Variants in GAGE10 observed in about 807,000 individuals in gnomAD.
The protein encoded by GAGE10 is G antigen 10.
A neutral mutation model predicts 11.5 loss-of-function variants in GAGE10; 9 were observed. The observed-to-expected ratio is 0.78, with a 90% CI of 0.47 to 1.37. The LOEUF is 1.37. GAGE10 is among the 40% of genes most tolerant of loss of function. GAGE10 has a pLI of 0.00. For missense variants in GAGE10, 83 were observed against 92.9 expected (o/e 0.89, Z 0.44); for synonymous variants, 23 against 29.7 (o/e 0.77, Z 0.73).
intron 3 of GAGE10, among the ~76,000 whole-genome samples, chrX:49,315,558 C>A (rs1480412929): frequency 2.7e-5 from 3 of 112,144 alleles, no homozygotes; most frequent in Non-Finnish European, 5.6e-5. Flanking sequence ...ATACAAGCAA[C>A]ACAAATGAGA....
At position 49,304,869 on chromosome X, in the gene GAGE10, C is replaced by T. The variant is rs782638456; in HGVS notation, c.10C>T (p.Arg4Ter). The T allele has an allele frequency of 6.6e-6, 8 of 1,207,274 alleles. No homozygotes were observed. The highest frequency in any genetic ancestry group is 2.2e-5 in the Admixed American group (1 of 46,104). ...GTTTTCAGTGTGAAATATGAGTTGG[C>T]GAGGAAGATCGACCTATCGGCCTAG... is the stretch of plus-strand genomic sequence containing the variant. The part of the protein sequence containing the change: MSW[R>*]GRSTYRPRPR... The change falls in exon 2 of 5, where the codon CGA (arginine) becomes TGA (stop). Residue 4 changes from arginine (R) to a stop codon, truncating the protein, a stop_gained. Transcript: ENST00000407599. LOFTEE classifies it high-confidence loss of function.
chrX:49,317,396 G>A lies in GAGE10; in HGVS notation c.328+108G>A, dbSNP rs2066397343. On this transcript the variant is annotated intron_variant, in intron 4 of 4. Transcript: ENST00000407599. ...GGAGTCTTGCTCTGTCCACCAGGCT[G>A]GAGTGCAGTGGTGGCATCTCGGCTC... 4 of 1,061,531 alleles carry A rather than the reference G, an allele frequency of 3.8e-6. No individual in the cohort carries two copies. In the Admixed American group the frequency reaches 1.0e-4, roughly 28 times the overall value. 87.5% of individuals were successfully genotyped at this position (1,061,531 alleles called of 1,213,427 possible).
chrX:49,313,544 G>C (rs1327608566), intron 3 of GAGE10, among the ~76,000 whole-genome samples: 1 of 111,908 alleles, frequency 8.9e-6, no homozygotes, highest in African/African-American at 3.3e-5. Context: ...AGCTGGGTAA[G>C]GGAAAGGATA....
At chrX:49,317,087 G>A (rs782552619) in intron 3 of GAGE10, 76 bp from the exon 4 acceptor site, 14 of 1,056,548 alleles carry the variant, frequency 1.3e-5, no homozygotes, top group African/African-American at 7.6e-5. Flanking sequence ...TAATAACACC[G>A]AGAGCATGAA....
intron 3 of GAGE10, among the ~76,000 whole-genome samples, chrX:49,313,226 A>C (rs1309959423): frequency 8.9e-6 from 1 of 112,241 alleles, no homozygotes; most frequent in African/African-American, 3.2e-5. Flanking sequence ...TTAAAGATCA[A>C]ATGGAAACTG....
At chrX:49,313,111 G>T (rs191690702) in intron 3 of GAGE10, among the ~76,000 whole-genome samples, 204 of 112,062 alleles carry the variant, frequency 1.8e-3, no homozygotes, top group Admixed American at 2.1e-3. Flanking sequence ...GGTGACAAAG[G>T]TGCTACTAAA....
At position 49,317,204 on chromosome X, in the gene GAGE10, A is replaced by C. The variant is rs782140620; in HGVS notation, c.244A>C (p.Lys82Gln). 96 of 1,204,665 alleles carry C rather than the reference A, an allele frequency of 8.0e-5. No homozygotes were observed. The highest frequency in any genetic ancestry group is 1.0e-4 in the Non-Finnish European group (93 of 891,617). Residue 82 changes from lysine to glutamine, a missense_variant, in exon 4 of 5, where the codon AAG becomes CAG. Transcript: ENST00000407599. ...TGATAGCCAGGAACAGGTTCACCCA[A>C]AGACTGGGTGTGAGTGTGGAGATGG... ...EADSQEQVHPKTGCECGDGPD... is the reference protein window; with the variant it reads ...EADSQEQVHPQTGCECGDGPD...
rs144132863 is a variant in GAGE10 at position 49,307,550 on chromosome X, C to A, written c.202+2026C>A. On this transcript the variant is annotated intron_variant, in intron 3 of 4. Coordinates refer to ENST00000407599, the MANE Select transcript of GAGE10 (RefSeq NM_001098413.4). ...TTGGAGTGCAGTAGTGCAATCTTGG[C>A]TCACTGCAACCTACACCTCCCAGGT... 2.4e-3 allele frequency among the ~76,000 whole-genome samples: 259 copies of A among 109,594 alleles called. 2 individuals are homozygous for A. Among genetic ancestry groups the A allele is most frequent in the African/African-American group, 8.0e-3 (242 of 30,086 alleles).
At chrX:49,317,094 T>C (rs2066394656) in intron 3 of GAGE10, 69 bp from the exon 4 acceptor site, 1 of 1,083,575 alleles carries the variant, frequency 9.2e-7, no homozygotes, top group Admixed American at 2.3e-5. Flanking sequence ...ACCGAGAGCA[T>C]GAATATTATT....
chrX:49,304,968 T>C (rs782494383), intron 2 of GAGE10, 28 bp downstream of exon 2: 1 of 1,182,634 alleles, frequency 8.5e-7, no homozygotes, highest in Admixed American at 2.2e-5. Flanking sequence ...AATTCGTTGT[T>C]TTCTATTAGC....
At chrX:49,310,574 G>A (rs2066373162) in intron 3 of GAGE10, among the ~76,000 whole-genome samples, 1 of 111,736 alleles carries the variant, frequency 8.9e-6, no homozygotes, top group Non-Finnish European at 1.9e-5. Flanking sequence ...TGGTGCTTCC[G>A]AGGCAGATCC....
At chrX:49,304,761 T>G (rs2066349208) in intron 1 of GAGE10, 91 bp from the exon 2 acceptor site, 2 of 1,055,913 alleles carry the variant, frequency 1.9e-6, no homozygotes, top group Admixed American at 2.2e-5. Flanking sequence ...TTTTCAAAAT[T>G]AAAACGACAA....
intron 3 of GAGE10, among the ~76,000 whole-genome samples, chrX:49,306,128 C>T: frequency 8.9e-6 from 1 of 112,019 alleles, no homozygotes; most frequent in South Asian, 3.7e-4. Context: ...TGATTAAATC[C>T]TTTTATGGTT....
At chrX:49,306,515 C>T (rs1263636922) in intron 3 of GAGE10, among the ~76,000 whole-genome samples, 12 of 112,055 alleles carry the variant, frequency 1.1e-4, no homozygotes, top group African/African-American at 3.2e-4. Flanking sequence ...TAAGATTTTC[C>T]ATAGTCCTCA....
chrX:49,315,551 C>T (rs1187416998), intron 3 of GAGE10, among the ~76,000 whole-genome samples: 7 of 112,134 alleles, frequency 6.2e-5, no homozygotes, highest in African/African-American at 2.3e-4. Context: ...ATTGGCAATA[C>T]AAGCAACACA....
intron 3 of GAGE10, among the ~76,000 whole-genome samples, chrX:49,315,720 C>A (rs1297048488): frequency 4.5e-5 from 5 of 112,323 alleles, no homozygotes; most frequent in African/African-American, 1.6e-4. Flanking sequence ...CGCAAGTTGG[C>A]CCATGTTCCA....
At chrX:49,307,133 C>A (rs868965825) in intron 3 of GAGE10, among the ~76,000 whole-genome samples, 74 of 111,971 alleles carry the variant, frequency 6.6e-4, no homozygotes, top group African/African-American at 2.2e-3. Context: ...CAATGAACTC[C>A]TATACTTTTC....
chrX:49,315,745 C>T (rs2066389624), intron 3 of GAGE10, among the ~76,000 whole-genome samples: 1 of 112,181 alleles, frequency 8.9e-6, no homozygotes, highest in South Asian at 3.7e-4. Flanking sequence ...AGACTTGGTC[C>T]GGATGGTCCT....
intron 3 of GAGE10, among the ~76,000 whole-genome samples, chrX:49,311,970 A>C (rs1602728549): frequency 8.9e-6 from 1 of 112,550 alleles, no homozygotes. Context: ...CCAACTCTAG[A>C]ATGCTAAAGT....
Sources: allele counts gnomAD v4.1 joint callset (sites outside exome capture counted in the v4.1 genomes callset), GRCh38; gene constraint gnomAD v4.1.1; transcripts MANE v1.5; gene names NCBI Gene and HGNC (gene_info 2026-07-23, HGNC 2026-07-21).